Variants in MME observed in about 807,000 individuals in gnomAD.
MME encodes the protein membrane metalloendopeptidase, also known as neprilysin.
MME carries 98 observed loss-of-function variants against 113.2 expected under a neutral mutation model. The ratio of observed to expected loss-of-function variants is 0.87; its 90% CI spans 0.74 to 1.02. The LOEUF (loss-of-function observed/expected upper bound fraction) is 1.02. MME is among the 50% of genes least tolerant of loss of function. The pLI is 0.00. For synonymous variants in MME, 292 were observed against 300.6 expected, an observed-to-expected ratio of 0.97 and a Z score of 0.30; for missense variants, 836 against 896.0, an observed-to-expected ratio of 0.93 and a Z score of 0.86.
At chr3:155,066,860 G>A (rs1289073864) in intron 1 of MME, among the ~76,000 whole-genome samples, 1 of 152,108 alleles carries the variant, frequency 6.6e-6, no homozygotes, top group African/African-American at 2.4e-5. Context: ...TTTCCAAGAT[G>A]AGACTTTTTT....
intron 22 of MME, among the ~76,000 whole-genome samples, chr3:155,175,360 A>G (rs1712415262): frequency 6.6e-6 from 1 of 151,932 alleles, no homozygotes; most frequent in African/African-American, 2.4e-5. Flanking sequence ...TTAGCTCAGA[A>G]AACATTTTGT....
At chr3:155,043,063 C>A (rs900048446) in intron 1 of MME, among the ~76,000 whole-genome samples, 3 of 147,142 alleles carry the variant, frequency 2.0e-5, no homozygotes, top group Non-Finnish European at 3.0e-5. Context: ...CAAAATTATG[C>A]TTAGAGTCTT....
rs554278858 is a variant in MME, at chr3:155,156,117, T to A, written c.1602-4273T>A. 3.6e-4 allele frequency among the ~76,000 whole-genome samples: 55 copies of A among 152,284 alleles called. No individual in the cohort carries two copies. In the South Asian group the frequency reaches 9.9e-3, roughly 28 times the overall value. On this transcript the variant is annotated intron_variant, in intron 16 of 22. Transcript: ENST00000360490. ...TCTTTGGTCCTACTGTGCTTTTGCCTTTGGGTAAAAAGTTACACTTATGGA... is the reference window on the plus strand; with the variant it reads ...TCTTTGGTCCTACTGTGCTTTTGCCATTGGGTAAAAAGTTACACTTATGGA...
In MME at chr3:155,181,315, G is replaced by A. The variant is rs931320423; in HGVS notation, c.*856G>A. ...AGTTGTGAACCAAGATCTATAAAGC[G>A]ATATACAGATGAAAATTTGAGACTA... On this transcript the variant is annotated 3_prime_UTR_variant, in exon 23 of 23. Coordinates refer to ENST00000360490, the MANE Select transcript of MME (RefSeq NM_007289.4). 1.3e-5 allele frequency: 2 copies of A among 152,028 alleles called. No individual in the cohort carries two copies. Among genetic ancestry groups the A allele is most frequent in the Admixed American group, 6.6e-5 (1 of 15,258 alleles). The allele number at this position is 152,028 out of a possible 1,614,324, so 9.4% of individuals were successfully genotyped here.
chr3:155,102,747 A>G (rs1333547777), intron 3 of MME, among the ~76,000 whole-genome samples: 1 of 152,138 alleles, frequency 6.6e-6, no homozygotes, highest in Admixed American at 6.5e-5. Flanking sequence ...TCTCTTTCCC[A>G]TGATCATTTC....
rs1356732088 is a variant in MME at position 155,168,388 on chromosome 3, G to A, written c.1781-104G>A. On this transcript the variant is annotated intron_variant, in intron 18 of 22. Transcript: ENST00000360490. ...TCTCTCATCGTCTGCCTAATTTAAT[G>A]TTCTGTCACACAGCAGTATTTCAGT... 16 of 1,021,820 alleles carry A rather than the reference G, an allele frequency of 1.6e-5. No homozygotes were observed. The East Asian group carries it at 3.9e-4, about 25-fold the overall frequency. 63.3% of individuals were successfully genotyped at this position (1,021,820 alleles called of 1,614,324 possible). A position where few individuals can be genotyped will look rare whatever the true frequency, so the allele number is the denominator to read the frequency against.
chr3:155,029,287 T>G (rs1712890795), intron 1 of MME, among the ~76,000 whole-genome samples: 1 of 152,130 alleles, frequency 6.6e-6, no homozygotes, highest in African/African-American at 2.4e-5. Flanking sequence ...CAACCAACTT[T>G]GACCATATAA....
chr3:155,121,626 AG>A (rs1463696836), intron 8 of MME, among the ~76,000 whole-genome samples: 1 of 98,600 alleles, frequency 1.0e-5, no homozygotes, highest in Non-Finnish European at 2.1e-5. Context: ...TTTAGCATGA[AG>A]GGTTGTTGAA....
intron 1 of MME, among the ~76,000 whole-genome samples, chr3:155,052,258 A>G (rs989813500): frequency 2.0e-5 from 3 of 151,904 alleles, no homozygotes; most frequent in South Asian, 2.1e-4. Flanking sequence ...TGTATCTCCC[A>G]TTCTGGGATC....
rs571694244 is a variant in MME at position 155,115,092 on chromosome 3, G to A, written c.295G>A (p.Glu99Lys). The change falls in exon 4 of 23, where the codon GAG becomes AAG. Residue 99 changes from glutamate (E) to lysine (K), a missense_variant. By Grantham distance (56) the Glu-to-Lys change is moderately conservative. Coordinates refer to ENST00000360490, the MANE Select transcript of MME (RefSeq NM_007289.4). The stretch of plus-strand genomic sequence containing the variant: ...CTGGTTGAAACGTAATGTCATTCCC[G>A]AGACCAGCTCCCGTTACGGCAACTT... ...GGWLKRNVIP[E>K]TSSRYGNFDI... 18 of 1,613,928 alleles carry A rather than the reference G, an allele frequency of 1.1e-5. No homozygotes were observed. The highest frequency in any genetic ancestry group is 2.2e-5 in the East Asian group (1 of 44,872).
chr3:155,064,445 A>G (rs910158042), intron 1 of MME, among the ~76,000 whole-genome samples: 1 of 152,206 alleles, frequency 6.6e-6, no homozygotes, highest in Admixed American at 6.5e-5. Context: ...AAGTGAGGCT[A>G]AGGAAAAAAG....
At chr3:155,179,822 A>C (rs1712904619) in intron 22 of MME, among the ~76,000 whole-genome samples, 1 of 152,186 alleles carries the variant, frequency 6.6e-6, no homozygotes, top group Non-Finnish European at 1.5e-5. Context: ...TCTGATATTT[A>C]AGGAGCCCTT....
chr3:155,110,858 T>A (rs1399818366), intron 3 of MME, among the ~76,000 whole-genome samples: 1 of 152,234 alleles, frequency 6.6e-6, no homozygotes, highest in Non-Finnish European at 1.5e-5. Flanking sequence ...TTATACAGAT[T>A]TTAAAAAATC....
chr3:155,116,930 CTTA>C lies in MME; in HGVS notation c.602_604del (p.Ile201del), dbSNP rs1718669388. 1 of 1,612,086 alleles carries C rather than the reference CTTA, an allele frequency of 6.2e-7. No homozygotes were observed. Among genetic ancestry groups the C allele is most frequent in the Admixed American group, 1.7e-5 (1 of 59,892 alleles). ...GAATTCTAAATATGGGAAAAAAGTC[CTTA>C]TTAATTTGTTTGTTGGCACTGATGA... On this transcript the variant is annotated inframe_deletion, in exon 7 of 23. Transcript: ENST00000360490.
Position 155,168,722 on chromosome 3 carries a change from T to C in MME, c.1915-10T>C. 6.2e-7 allele frequency: 1 copy of C among 1,613,176 alleles called. No individual in the cohort carries two copies. The highest frequency in any genetic ancestry group is 8.5e-7 in the Non-Finnish European group (1 of 1,179,306). Reference sequence around the variant, plus strand: ...TTTTAACAATCCTAATAAAGTGTCTTTTTTAACAGCTTAATGGAATTAATA... The same window carrying C: ...TTTTAACAATCCTAATAAAGTGTCTCTTTTAACAGCTTAATGGAATTAATA... On this transcript the variant is annotated splice_polypyrimidine_tract_variant and intron_variant, in intron 19 of 22. Transcript: ENST00000360490.
intron 1 of MME, among the ~76,000 whole-genome samples, chr3:155,048,616 C>T (rs558142172): frequency 6.1e-4 from 93 of 152,126 alleles, no homozygotes; most frequent in African/African-American, 2.2e-3. Flanking sequence ...TACCTGCATA[C>T]CGTTTTTTTA....
chr3:155,043,667 T>C (rs1713437660), intron 1 of MME, among the ~76,000 whole-genome samples: 1 of 152,062 alleles, frequency 6.6e-6, no homozygotes, highest in Admixed American at 6.6e-5. Context: ...TTTGCCACCT[T>C]CATAATATAT....
intron 1 of MME, among the ~76,000 whole-genome samples, chr3:155,065,759 C>G (rs1256942238): frequency 6.6e-6 from 1 of 152,122 alleles, no homozygotes; most frequent in Non-Finnish European, 1.5e-5. Context: ...CAGTCACCCT[C>G]CAGAGCAGGC....
chr3:155,142,091 C>A lies in MME; in HGVS notation c.1058C>A (p.Thr353Asn), dbSNP rs200567355. 1.5e-5 allele frequency: 25 copies of A among 1,613,702 alleles called. No homozygotes were observed. Among genetic ancestry groups the A allele is most frequent in the Admixed American group, 6.7e-5 (4 of 59,966 alleles). The change falls in exon 11 of 23, where the codon ACC (threonine) becomes AAC (asparagine). Residue 353 changes from threonine to asparagine, a missense_variant. Thr to Asn is a moderately conservative substitution (Grantham distance 65). Transcript: ENST00000360490. ...GTTGTTTATGCTCCAGAATATTTAA[C>A]CAAACTTAAGCCCATTCTTACCAAA... The part of the protein sequence containing the change: ...DVVVYAPEYL[T>N]KLKPILTKYS...
Sources: allele counts gnomAD v4.1 joint callset (sites outside exome capture counted in the v4.1 genomes callset), GRCh38; gene constraint gnomAD v4.1.1; transcripts MANE v1.5; gene names NCBI Gene and HGNC (gene_info 2026-07-23, HGNC 2026-07-21).